The following TTC27 variants were observed in gnomAD, a reference collection of about 807,000 sequenced individuals.
TTC27 encodes tetratricopeptide repeat protein 27.
Under a neutral mutation model 115.9 loss-of-function variants are expected in TTC27, and 79 were observed. The observed-to-expected ratio is 0.68, with a 90% CI of 0.57 to 0.82. The LOEUF is 0.82. Ranked by LOEUF, TTC27 falls within the 40% of genes least tolerant of loss-of-function variation. TTC27 has a pLI of 0.00. For missense variants in TTC27, 1,054 were observed against 993.1 expected (o/e 1.06, Z -0.82); for synonymous variants, 401 against 356.0 (o/e 1.13, Z -1.42).
intron 16 of TTC27, among the ~76,000 whole-genome samples, chr2:32,794,371 A>G (rs192557766): frequency 6.6e-6 from 1 of 152,220 alleles, no homozygotes; most frequent in African/African-American, 2.4e-5. Context: ...AAGAAATCAC[A>G]AGAGAAATTA....
At chr2:32,637,704 C>T (rs959608002) in intron 3 of TTC27, among the ~76,000 whole-genome samples, 2 of 152,100 alleles carry the variant, frequency 1.3e-5, no homozygotes, top group African/African-American at 4.8e-5. Flanking sequence ...TTTAGGAAAT[C>T]AGCTTGTTAT....
chr2:32,635,772 G>T (rs886236866), intron 3 of TTC27, among the ~76,000 whole-genome samples: 3 of 152,094 alleles, frequency 2.0e-5, no homozygotes, highest in South Asian at 2.1e-4. Context: ...TGATGGGGGG[G>T]TAGAAAGAGA....
At chr2:32,643,970 C>T (rs1449051948) in intron 4 of TTC27, among the ~76,000 whole-genome samples, 1 of 151,606 alleles carries the variant, frequency 6.6e-6, no homozygotes. Flanking sequence ...CACCTGAGGT[C>T]AGGAGTTTGA....
At chr2:32,805,642 G>A (rs17012300) in intron 16 of TTC27, among the ~76,000 whole-genome samples, 28,085 of 152,206 alleles carry the variant, frequency 0.18, 3,730 homozygotes, top group African/African-American at 0.37. Flanking sequence ...TTTGAACCAT[G>A]AGGAAACATG....
Position 32,678,893 on chromosome 2 carries a change from A to T in TTC27, c.1090A>T (p.Thr364Ser). Residue 364 changes from threonine to serine, a missense_variant, in exon 9 of 20, where the codon ACT becomes TCT. By Grantham distance (58) the Thr-to-Ser change is moderately conservative (BLOSUM62 1). Transcript: ENST00000317907. ...AAAGAATAACCCAGTGCACACATTA[A>T]CTGAAGTGGAGCTTCTGGCATTTAC... ...FQKNNPVHTL[T>S]EVELLAFTSC... 1 of 1,613,426 alleles carries T rather than the reference A, an allele frequency of 6.2e-7. No individual in the cohort carries two copies. The highest frequency in any genetic ancestry group is 1.1e-5 in the South Asian group (1 of 91,006).
At chr2:32,672,615 T>C (rs1666052816) in intron 8 of TTC27, among the ~76,000 whole-genome samples, 1 of 152,208 alleles carries the variant, frequency 6.6e-6, no homozygotes, top group Admixed American at 6.5e-5. Context: ...ACAATTTCTT[T>C]GGTTAGCTTT....
At chr2:32,768,865 A>G (rs555443969) in intron 13 of TTC27, among the ~76,000 whole-genome samples, 1 of 152,328 alleles carries the variant, frequency 6.6e-6, no homozygotes, top group Admixed American at 6.5e-5. Flanking sequence ...TTCTGATTAA[A>G]AAGGAAAATG....
At position 32,702,897 on chromosome 2, in the gene TTC27, G is replaced by A. The variant is rs771868263; in HGVS notation, c.1210G>A (p.Glu404Lys). Residue 404 changes from glutamate (E) to lysine (K), a missense_variant, in exon 10 of 20, where the codon GAA becomes AAA. Coordinates refer to ENST00000317907, the MANE Select transcript of TTC27 (RefSeq NM_017735.5). ...KLEKGSTRRV[E>K]RAMRQTQALA... is the part of the protein sequence containing the mutation. ...TGAGAAAGGAAGTACTCGCCGAGTG[G>A]AACGGGCAATGAGGCAGACACAGGT... The A allele has an allele frequency of 6.2e-7, 1 of 1,613,992 alleles. No individual in the cohort carries two copies.
At chr2:32,634,490 T>C (rs1664337499) in intron 3 of TTC27, among the ~76,000 whole-genome samples, 1 of 151,538 alleles carries the variant, frequency 6.6e-6, no homozygotes, top group Non-Finnish European at 1.5e-5. Context: ...AGTTTTGCCA[T>C]GTTGCCCAGG....
chr2:32,796,628 T>TC (rs1171889184), intron 16 of TTC27, among the ~76,000 whole-genome samples: 7 of 152,170 alleles, frequency 4.6e-5, no homozygotes, highest in Non-Finnish European at 4.4e-5. Flanking sequence ...GATTGGTTTT[T>TC]CTCAGAAATA....
chr2:32,736,731 C>T lies in TTC27; in HGVS notation c.1367C>T (p.Thr456Ile). 1 of 1,613,964 alleles carries T rather than the reference C, an allele frequency of 6.2e-7. No individual in the cohort carries two copies. ...AGTTTGCTCTTTGAGTTGGGATGTA[C>T]CAGTTCAGCCCTTCAGATATTTGAA... ...LASLLFELGC[T>I]SSALQIFEKL... is the part of the protein sequence containing the mutation. Residue 456 changes from threonine (T) to isoleucine (I), a missense_variant, in exon 12 of 20, where the codon ACC (threonine) becomes ATC (isoleucine). Physicochemically the swap from Thr to Ile is moderately conservative, Grantham distance 89. Coordinates refer to ENST00000317907, the MANE Select transcript of TTC27 (RefSeq NM_017735.5).
rs1670048996 is a variant in TTC27, at chr2:32,777,877, T to G, written c.1681-5T>G. On this transcript the variant is annotated splice_region_variant and splice_polypyrimidine_tract_variant and intron_variant, in intron 13 of 19. Coordinates refer to ENST00000317907, the MANE Select transcript of TTC27 (RefSeq NM_017735.5). ...TTGAATGACTTTGACTTTTGGTCTT[T>G]GCAGCTCGGGGTGTGGTTTTCTCTC... 1 of 1,613,858 alleles carries G rather than the reference T, an allele frequency of 6.2e-7. No individual in the cohort carries two copies. Among genetic ancestry groups the G allele is most frequent in the African/African-American group, 1.3e-5 (1 of 74,906 alleles).
chr2:32,678,226 G>A (rs1194256178), intron 8 of TTC27, among the ~76,000 whole-genome samples: 9 of 140,762 alleles, frequency 6.4e-5, no homozygotes, highest in Admixed American at 6.1e-4. Context: ...CTGCACTGCA[G>A]CCTGGGTGAC....
intron 16 of TTC27, among the ~76,000 whole-genome samples, chr2:32,798,984 C>G (rs986201092): frequency 2.0e-5 from 3 of 152,026 alleles, no homozygotes; most frequent in African/African-American, 7.2e-5. Flanking sequence ...TGGAAGCAAC[C>G]CAAATTTCCA....
intron 16 of TTC27, among the ~76,000 whole-genome samples, chr2:32,793,767 T>C (rs1670612834): frequency 6.6e-6 from 1 of 152,062 alleles, no homozygotes; most frequent in African/African-American, 2.4e-5. Flanking sequence ...AGGTGAGCCA[T>C]CCACCTCGGC....
At chr2:32,765,158 A>G (rs113824093) in intron 13 of TTC27, among the ~76,000 whole-genome samples, 5 of 152,316 alleles carry the variant, frequency 3.3e-5, no homozygotes, top group African/African-American at 7.2e-5. Flanking sequence ...AGGAATCACT[A>G]TGTATGGTGG....
chr2:32,764,461 A>AATGATTATC (rs1324999194), intron 13 of TTC27, among the ~76,000 whole-genome samples: 1 of 152,210 alleles, frequency 6.6e-6, no homozygotes, highest in Non-Finnish European at 1.5e-5. Flanking sequence ...AAAAAATGCT[A>AATGATTATC]ATGATTATCT....
At chr2:32,742,660 G>C (rs540714717) in intron 12 of TTC27, among the ~76,000 whole-genome samples, 7 of 152,144 alleles carry the variant, frequency 4.6e-5, no homozygotes, top group Non-Finnish European at 1.0e-4. Flanking sequence ...CTGCTAAAAG[G>C]GTTGTTCTTG....
intron 4 of TTC27, among the ~76,000 whole-genome samples, chr2:32,648,876 G>C (rs918096381): frequency 2.0e-5 from 3 of 152,060 alleles, no homozygotes; most frequent in African/African-American, 7.2e-5. Context: ...GCTGGGCATG[G>C]TGACATGGCC....
Sources: allele counts gnomAD v4.1 joint callset (sites outside exome capture counted in the v4.1 genomes callset), GRCh38; gene constraint gnomAD v4.1.1; transcripts MANE v1.5; gene names NCBI Gene and HGNC (gene_info 2026-07-23, HGNC 2026-07-21).